MORN4: variants seen among roughly 807,000 people sequenced by gnomAD.
The protein encoded by MORN4 is MORN repeat containing 4.
In MORN4, 8 loss-of-function variants were observed where a neutral mutation model predicts 16.4. That is an observed-to-expected ratio of 0.49 (90% CI 0.29 to 0.88). MORN4 has a LOEUF of 0.88. Among genes scored for constraint, MORN4 ranks in the 40% least tolerant of loss-of-function variants. The pLI is 0.09. For synonymous variants in MORN4, 53 were observed against 68.9 expected (o/e 0.77, Z 1.14); for missense variants, 159 against 182.9 (o/e 0.87, Z 0.75).
intron 3 of MORN4, 115 bp from the exon 4 acceptor site, chr10:97,616,902 C>T (rs1472365451): frequency 2.6e-6 from 2 of 756,238 alleles, no homozygotes; most frequent in Non-Finnish European, 4.6e-6. Flanking sequence ...GCCGATTCTA[C>T]CAGTCACATA....
intron 4 of MORN4, 128 bp downstream of exon 4, chr10:97,616,550 T>C: frequency 8.1e-7 from 1 of 1,228,782 alleles, no homozygotes; most frequent in Non-Finnish European, 1.2e-6. Context: ...TATTGATGAG[T>C]TCAATGGATA....
At chr10:97,625,824 A>G (rs1316859225) in intron 1 of MORN4, among the ~76,000 whole-genome samples, 2 of 152,042 alleles carry the variant, frequency 1.3e-5, no homozygotes, top group African/African-American at 4.8e-5. Flanking sequence ...CTGGTGTGCA[A>G]TCGCTTGATC....
At chr10:97,618,510 G>A (rs2041259311) in intron 2 of MORN4, among the ~76,000 whole-genome samples, 1 of 152,014 alleles carries the variant, frequency 6.6e-6, no homozygotes, top group Non-Finnish European at 1.5e-5. Flanking sequence ...CCAATCCCAG[G>A]CATTTCTTCC....
chr10:97,623,591 A>C (rs1158949567), intron 1 of MORN4, among the ~76,000 whole-genome samples: 4 of 152,080 alleles, frequency 2.6e-5, no homozygotes, highest in Non-Finnish European at 5.9e-5. Flanking sequence ...TTTTTCTTTT[A>C]GAGACAGGGT....
chr10:97,633,244 G>A lies in MORN4; in HGVS notation c.-31+103C>T. ...CCCTCAGGTCAGCGTATCCGAGGTG[G>A]AGCCGCGCCCCCGAGCCGGGTCATC... On this transcript the variant is annotated intron_variant, in intron 1 of 4. Coordinates refer to ENST00000307450, the MANE Select transcript of MORN4 (RefSeq NM_178832.4). The surrounding 1 kb of genome is among the most constrained non-coding windows in gnomAD (Gnocchi z 4.5). The A allele has an allele frequency of 8.2e-7, 1 of 1,216,018 alleles. No homozygotes were observed. The highest frequency in any genetic ancestry group is 1.4e-5 in the South Asian group (1 of 71,654). 75.3% of individuals were successfully genotyped at this position (1,216,018 alleles called of 1,614,324 possible). A position where few individuals can be genotyped will look rare whatever the true frequency, so the allele number is the denominator to read the frequency against.
chr10:97,619,663 T>C lies in MORN4; in HGVS notation c.-10A>G. 6.2e-7 allele frequency: 1 copy of C among 1,613,706 alleles called. No individual in the cohort carries two copies. The highest frequency in any genetic ancestry group is 8.5e-7 in the Non-Finnish European group (1 of 1,179,632). ...CTTTTGTCAGGGTCATGGTGACAGA[T>C]TACAGGATAAAAGGATGAAACTGTA... On this transcript the variant is annotated 5_prime_UTR_variant, in exon 2 of 5. The change abolishes the stop of an existing upstream ORF in the 5' untranslated region. Transcript: ENST00000307450.
At chr10:97,628,401 C>A (rs12245600) in intron 1 of MORN4, among the ~76,000 whole-genome samples, 5,699 of 152,238 alleles carry the variant, frequency 0.037, 117 homozygotes, top group African/African-American at 0.054. Flanking sequence ...GTGAAACTTC[C>A]AAAGAGTGGC....
intron 1 of MORN4, among the ~76,000 whole-genome samples, chr10:97,632,958 G>A (rs1328171506): frequency 6.6e-6 from 1 of 152,020 alleles, no homozygotes; most frequent in Non-Finnish European, 1.5e-5. Context: ...AGATAAAGGC[G>A]GGCTCAGGGA....
At chr10:97,621,195 TA>T (rs759921616) in intron 1 of MORN4, among the ~76,000 whole-genome samples, 17 of 152,124 alleles carry the variant, frequency 1.1e-4, no homozygotes, top group Non-Finnish European at 1.8e-4. Context: ...CCTCTCATTT[TA>T]TAGGAGAAAT....
chr10:97,624,653 A>G (rs1564767209), intron 1 of MORN4, among the ~76,000 whole-genome samples: 1 of 152,174 alleles, frequency 6.6e-6, no homozygotes, highest in Non-Finnish European at 1.5e-5. Flanking sequence ...CCTGGCCTCA[A>G]GTGATTCTTC....
chr10:97,623,268 C>T (rs1226587348), intron 1 of MORN4, among the ~76,000 whole-genome samples: 1 of 152,122 alleles, frequency 6.6e-6, no homozygotes, highest in Admixed American at 6.6e-5. Flanking sequence ...GTTCTCTGAA[C>T]TATAAATCAC....
At position 97,618,420 on chromosome 10, in the gene MORN4, A is replaced by G. The variant is rs1206213686; in HGVS notation, c.68-1098T>C. Among the ~76,000 whole-genome samples, 6 of 152,082 alleles carry G rather than the reference A, an allele frequency of 3.9e-5. No individual in the cohort carries two copies. In the East Asian group the frequency reaches 1.2e-3, roughly 30 times the overall value. ...GCTGGGATTACAAAGTGTTGGGATTACAGGCATGAGCCACTGTGCCTGCCC... is the reference window on the plus strand; with the variant it reads ...GCTGGGATTACAAAGTGTTGGGATTGCAGGCATGAGCCACTGTGCCTGCCC... On this transcript the variant is annotated intron_variant, in intron 2 of 4. Coordinates refer to ENST00000307450, the MANE Select transcript of MORN4 (RefSeq NM_178832.4).
intron 1 of MORN4, among the ~76,000 whole-genome samples, chr10:97,619,977 C>T (rs1325688179): frequency 6.6e-6 from 1 of 152,112 alleles, no homozygotes; most frequent in Non-Finnish European, 1.5e-5. Flanking sequence ...TTGATACCTA[C>T]TATGTGCTCA....
intron 1 of MORN4, among the ~76,000 whole-genome samples, chr10:97,626,723 T>C (rs1379879409): frequency 6.6e-6 from 1 of 150,972 alleles, no homozygotes; most frequent in East Asian, 2.0e-4. Context: ...TCCAAAGTGC[T>C]GGGATTACAG....
intron 1 of MORN4, among the ~76,000 whole-genome samples, chr10:97,623,003 G>C (rs1440250615): frequency 6.6e-6 from 1 of 151,912 alleles, no homozygotes; most frequent in African/African-American, 2.4e-5. Context: ...CGTCACCTCA[G>C]TCTCCTGAGT....
intron 2 of MORN4, 86 bp downstream of exon 2, chr10:97,619,501 C>A: frequency 3.3e-6 from 3 of 904,762 alleles, no homozygotes; most frequent in Non-Finnish European, 5.6e-6. Context: ...AAATGAAGAT[C>A]CATAAAGTTG....
chr10:97,633,539 A>G (rs1462821275), upstream of MORN4: 1 of 1,289,862 alleles, frequency 7.8e-7, no homozygotes, highest in Non-Finnish European at 1.0e-6. The surrounding 1 kb of genome is among the most constrained non-coding windows in gnomAD (Gnocchi z 4.5). Flanking sequence ...TTACCTAGGC[A>G]ACCGGGAGCA....
intron 1 of MORN4, among the ~76,000 whole-genome samples, chr10:97,622,325 T>C (rs961269506): frequency 1.3e-5 from 2 of 152,008 alleles, no homozygotes; most frequent in African/African-American, 2.4e-5. Flanking sequence ...AGGAAAACAA[T>C]CAGTAACATT....
chr10:97,624,031 T>C (rs1412971867), intron 1 of MORN4, among the ~76,000 whole-genome samples: 3 of 152,000 alleles, frequency 2.0e-5, no homozygotes, highest in East Asian at 1.9e-4. Flanking sequence ...CCACCGTGCC[T>C]GGCCGCAAGA....
Sources: allele counts gnomAD v4.1 joint callset (sites outside exome capture counted in the v4.1 genomes callset), GRCh38; gene constraint gnomAD v4.1.1; non-coding constraint Gnocchi (gnomAD v3.1); transcripts MANE v1.5; gene names NCBI Gene and HGNC (gene_info 2026-07-23, HGNC 2026-07-21).